ANGPTL2: variants seen among roughly 807,000 people sequenced by gnomAD.
ANGPTL2 encodes angiopoietin-related protein 2.
A neutral mutation model predicts 52.8 loss-of-function variants in ANGPTL2; 25 were observed. That is an observed-to-expected ratio of 0.47 (90% confidence interval 0.35 to 0.66). ANGPTL2 has a LOEUF of 0.66. Ranked by LOEUF, ANGPTL2 falls within the 30% of genes least tolerant of loss-of-function variation. The pLI, the probability that ANGPTL2 is intolerant of heterozygous loss-of-function variation, is 0.01. For synonymous variants in ANGPTL2, 276 were observed against 277.4 expected, an observed-to-expected ratio of 1.00 and a Z score of 0.05; for missense variants, 546 against 656.9, an observed-to-expected ratio of 0.83 and a Z score of 1.84.
chr9:127,102,871 T>C (rs1023737645), intron 2 of ANGPTL2, among the ~76,000 whole-genome samples: 21 of 152,244 alleles, frequency 1.4e-4, no homozygotes. Flanking sequence ...CAAAACCTTT[T>C]AGAATAAAAG....
intron 1 of ANGPTL2, among the ~76,000 whole-genome samples, chr9:127,109,664 A>T (rs554543310): frequency 6.6e-6 from 1 of 152,360 alleles, no homozygotes; most frequent in East Asian, 1.9e-4. Flanking sequence ...CCAGATGTTG[A>T]TTGAACACCT....
intron 4 of ANGPTL2, among the ~76,000 whole-genome samples, chr9:127,090,563 A>G (rs576317181): frequency 2.0e-5 from 3 of 152,322 alleles, no homozygotes; most frequent in Admixed American, 1.3e-4. Context: ...TGTGGCTGCT[A>G]TGGGGACCTG....
chr9:127,097,069 C>G, intron 2 of ANGPTL2, among the ~76,000 whole-genome samples: 1 of 152,198 alleles, frequency 6.6e-6, no homozygotes, highest in Non-Finnish European at 1.5e-5. Context: ...GCTGACTTAG[C>G]TCTGTGTCCT....
chr9:127,117,287 A>G (rs2055537081), intron 1 of ANGPTL2, among the ~76,000 whole-genome samples: 1 of 152,174 alleles, frequency 6.6e-6, no homozygotes, highest in Non-Finnish European at 1.5e-5. Flanking sequence ...TCATCTGGTT[A>G]TCTCCCTCCT....
intron 2 of ANGPTL2, among the ~76,000 whole-genome samples, chr9:127,101,507 C>G (rs544230252): frequency 1.2e-4 from 19 of 152,296 alleles, no homozygotes; most frequent in Admixed American, 7.2e-4. Flanking sequence ...CTCCATCCTT[C>G]ACCCTCCATC....
At position 127,088,279 on chromosome 9, in the gene ANGPTL2, G is replaced by T. The variant is rs922849401; in HGVS notation, c.*660C>A. 1 of 152,140 alleles carries T rather than the reference G, an allele frequency of 6.6e-6. No homozygotes were observed. Among genetic ancestry groups the T allele is most frequent in the African/African-American group, 2.4e-5 (1 of 41,414 alleles). 9.4% of individuals were successfully genotyped at this position (152,140 alleles called of 1,614,324 possible). A position where few individuals can be genotyped will look rare whatever the true frequency, so the allele number is the denominator to read the frequency against. ...GGGAGGGATTTTGAAATTTGATTAG[G>T]TGCCAAAAGGGGTTCTTAAGAAGCT... On this transcript the variant is annotated 3_prime_UTR_variant, in exon 5 of 5. Coordinates refer to ENST00000373425, the MANE Select transcript of ANGPTL2 (RefSeq NM_012098.3).
Position 127,108,426 on chromosome 9 carries a change from CT to C in ANGPTL2, c.305del (p.Gln102ArgfsTer16), listed in dbSNP as rs756498211. On this transcript the variant is annotated frameshift_variant, in exon 2 of 5. Transcript: ENST00000373425. LOFTEE classifies it high-confidence loss of function. Reference sequence around the variant, plus strand: ...CCACCAGCTGCTGCAGCGTCTCGATCTGCCGCTTCTGCTTGAGCAGCTCATT... The same window carrying C: ...CCACCAGCTGCTGCAGCGTCTCGATCGCCGCTTCTGCTTGAGCAGCTCATT... ...LNNELLKQKR[Q>X]IETLQQLVEV... is the part of the protein sequence containing the mutation. 12 of 1,608,284 alleles carry C rather than the reference CT, an allele frequency of 7.5e-6. No individual in the cohort carries two copies. Among genetic ancestry groups the C allele is most frequent in the Non-Finnish European group, 1.0e-5 (12 of 1,178,798 alleles).
In ANGPTL2 at chr9:127,091,672, G is replaced by A; in HGVS notation, c.1280C>T (p.Thr427Ile). 1.2e-6 allele frequency: 2 copies of A among 1,613,454 alleles called. No homozygotes were observed. The highest frequency in any genetic ancestry group is 1.1e-5 in the South Asian group (1 of 91,038). Residue 427 changes from threonine (T) to isoleucine (I), a missense_variant and splice_region_variant, in exon 4 of 5, where the codon ACA (threonine) becomes ATA (isoleucine). Thr to Ile is a moderately conservative substitution (Grantham distance 89). This residue lies in a region of ANGPTL2 where 261 missense variants were observed against 361.0 expected (regional missense o/e 0.72). Transcript: ENST00000373425. This position sits in a 1 kb window ranked among gnomAD's most constrained non-coding sequence, Gnocchi z 4.3. ...GGGTTTGACTCCACTTTTCCTACCT[G>A]TGTAGACATCATGATCTCTGTCCAG... is the stretch of plus-strand genomic sequence containing the variant. The part of the protein sequence containing the change: ...TTLDRDHDVY[T>I]GNCAHYQKGG...
chr9:127,103,365 C>T (rs566807847), intron 2 of ANGPTL2, among the ~76,000 whole-genome samples: 1 of 152,324 alleles, frequency 6.6e-6, no homozygotes, highest in Non-Finnish European at 1.5e-5. Context: ...GTCAGTGAAG[C>T]AATGTGGGGA....
At position 127,105,097 on chromosome 9, in the gene ANGPTL2, C is replaced by T. The variant is rs1389417635; in HGVS notation, c.817+2818G>A. ...TCCTGGGCTCTGTCTACCCATTCAT[C>T]TTCCACAGCTAGGCACTCAATCCCA... On this transcript the variant is annotated intron_variant, in intron 2 of 4. Transcript: ENST00000373425. Among the ~76,000 whole-genome samples, 4 of 152,210 alleles carry T rather than the reference C, an allele frequency of 2.6e-5. No individual in the cohort carries two copies. The East Asian group carries it at 7.7e-4, about 29-fold the overall frequency.
At chr9:127,118,889 T>C (rs1320850042) in intron 1 of ANGPTL2, among the ~76,000 whole-genome samples, 1 of 152,190 alleles carries the variant, frequency 6.6e-6, no homozygotes, top group Non-Finnish European at 1.5e-5. Context: ...TAGCTACCCA[T>C]TGCCATCTCC....
intron 1 of ANGPTL2, 36 bp from the exon 2 acceptor site, chr9:127,108,816 C>T: frequency 7.2e-7 from 1 of 1,393,992 alleles, no homozygotes; most frequent in Non-Finnish European, 9.6e-7. Context: ...AGTGATGGTC[C>T]CACCACTGTC....
Position 127,088,714 on chromosome 9 carries a change from G to A in ANGPTL2, c.*225C>T. The A allele has an allele frequency of 1.7e-6, 1 of 592,928 alleles. No homozygotes were observed. The highest frequency in any genetic ancestry group is 3.0e-6 in the Non-Finnish European group (1 of 332,744). 36.7% of individuals were successfully genotyped at this position (592,928 alleles called of 1,614,324 possible). A position where few individuals can be genotyped will look rare whatever the true frequency, so the allele number is the denominator to read the frequency against. On this transcript the variant is annotated 3_prime_UTR_variant, in exon 5 of 5. Coordinates refer to ENST00000373425, the MANE Select transcript of ANGPTL2 (RefSeq NM_012098.3). The stretch of plus-strand genomic sequence containing the variant: ...GTTGTCTGTAGTCCTGTCCTGTCCT[G>A]GAGACATGAGGGGCTGTCTGGTGTG...
At chr9:127,120,333 A>G (rs180706554) in intron 1 of ANGPTL2, among the ~76,000 whole-genome samples, 122 of 152,298 alleles carry the variant, frequency 8.0e-4, no homozygotes, top group African/African-American at 2.8e-3. Context: ...ATATGTCTGC[A>G]CTTTTTCTTA....
At chr9:127,118,333 A>G (rs138378840) in intron 1 of ANGPTL2, among the ~76,000 whole-genome samples, 1 of 152,364 alleles carries the variant, frequency 6.6e-6, no homozygotes. Flanking sequence ...AACTACCCCC[A>G]GAATGAGGCT....
chr9:127,092,824 T>A (rs1252217015), intron 3 of ANGPTL2, among the ~76,000 whole-genome samples: 1 of 151,940 alleles, frequency 6.6e-6, no homozygotes, highest in Non-Finnish European at 1.5e-5. Context: ...AGACACAGGC[T>A]GTTCAGGAGG....
At chr9:127,113,913 T>C (rs1383332057) in intron 1 of ANGPTL2, among the ~76,000 whole-genome samples, 1 of 152,230 alleles carries the variant, frequency 6.6e-6, no homozygotes, top group East Asian at 1.9e-4. Flanking sequence ...AAGGGGCCAC[T>C]TTGTGGGAAG....
intron 1 of ANGPTL2, among the ~76,000 whole-genome samples, chr9:127,115,861 G>A (rs2055356307): frequency 6.6e-6 from 1 of 152,214 alleles, no homozygotes. Flanking sequence ...CCTGGTGAAA[G>A]GACTGTGCAT....
chr9:127,118,573 G>A (rs1356264376), intron 1 of ANGPTL2, among the ~76,000 whole-genome samples: 1 of 152,202 alleles, frequency 6.6e-6, no homozygotes, highest in Non-Finnish European at 1.5e-5. Flanking sequence ...AGAGACCGTG[G>A]GAGAGGTGCT....
Sources: allele counts gnomAD v4.1 joint callset (sites outside exome capture counted in the v4.1 genomes callset), GRCh38; gene constraint gnomAD v4.1.1; regional missense constraint gnomAD v4.1.1; non-coding constraint Gnocchi (gnomAD v3.1); transcripts MANE v1.5; gene names NCBI Gene and HGNC (gene_info 2026-07-23, HGNC 2026-07-21).